SLC8A1: variants seen among roughly 807,000 people sequenced by gnomAD.
The protein encoded by SLC8A1 is solute carrier family 8 member A1.
Under a neutral mutation model 68.3 loss-of-function variants are expected in SLC8A1, and 18 were observed. That is an observed-to-expected ratio of 0.26 (90% CI 0.18 to 0.39). The LOEUF is 0.39. Ranked by LOEUF, SLC8A1 falls within the 10% of genes least tolerant of loss-of-function variation. SLC8A1 has a pLI of 1.00. For synonymous variants in SLC8A1, 475 were observed against 415.5 expected (o/e 1.14, Z -1.74); for missense variants, 985 against 1,156.7 (o/e 0.85, Z 2.15).
chr2:40,220,964 C>T (rs754413643), intron 2 of SLC8A1, among the ~76,000 whole-genome samples: 13 of 151,930 alleles, frequency 8.6e-5, no homozygotes, highest in Admixed American at 1.3e-4. Flanking sequence ...GGAGCTGGTA[C>T]CATCACTTCT....
At chr2:40,304,810 C>T (rs370570375) in intron 2 of SLC8A1, among the ~76,000 whole-genome samples, 11 of 152,092 alleles carry the variant, frequency 7.2e-5, no homozygotes, top group African/African-American at 2.4e-4. Context: ...CTGGGCTCAG[C>T]GATGCTCACC....
At chr2:40,346,047 T>TAAAAAAAAAAAAAA (rs774555210) in intron 2 of SLC8A1, among the ~76,000 whole-genome samples, 242 of 41,528 alleles carry the variant, frequency 5.8e-3, no homozygotes, top group Non-Finnish European at 6.7e-3. Context: ...ACATTAACAG[T>TAAAAAAAAAAAAAA]AAAAAAAAAA....
chr2:40,222,076 GA>G (rs2058406855), intron 2 of SLC8A1, among the ~76,000 whole-genome samples: 1 of 152,008 alleles, frequency 6.6e-6, no homozygotes, highest in Non-Finnish European at 1.5e-5. Flanking sequence ...ATCCTAAGCA[GA>G]AAGAACAAAG....
chr2:40,464,308 GAAT>G (rs1703530871), intron 1 of SLC8A1, among the ~76,000 whole-genome samples: 1 of 152,218 alleles, frequency 6.6e-6, no homozygotes, highest in Non-Finnish European at 1.5e-5. Context: ...AGCACTGGCT[GAAT>G]TCTAGCATAG....
intron 2 of SLC8A1, among the ~76,000 whole-genome samples, chr2:40,350,406 A>G (rs1487496791): frequency 6.6e-6 from 1 of 152,004 alleles, no homozygotes; most frequent in East Asian, 1.9e-4. Context: ...ACTTGAGCAC[A>G]GAAGGTTGAC....
intron 1 of SLC8A1, among the ~76,000 whole-genome samples, chr2:40,504,467 T>C: frequency 6.6e-6 from 1 of 151,868 alleles, no homozygotes; most frequent in Non-Finnish European, 1.5e-5. Flanking sequence ...TGGGATCACA[T>C]CAATTTAAAA....
intron 2 of SLC8A1, among the ~76,000 whole-genome samples, chr2:40,224,558 C>G (rs974764928): frequency 6.6e-6 from 1 of 152,084 alleles, no homozygotes; most frequent in African/African-American, 2.4e-5. Context: ...GGCTGTGCAG[C>G]TCCATCATCC....
intron 2 of SLC8A1, among the ~76,000 whole-genome samples, chr2:40,233,253 A>C (rs1409583892): frequency 6.6e-6 from 1 of 152,174 alleles, no homozygotes; most frequent in Non-Finnish European, 1.5e-5. Flanking sequence ...CATCCTCTCC[A>C]GCTCCTGTTG....
chr2:40,341,104 A>G (rs1005837651), intron 2 of SLC8A1, among the ~76,000 whole-genome samples: 4 of 152,170 alleles, frequency 2.6e-5, no homozygotes, highest in African/African-American at 4.8e-5. Context: ...ACCAGAAAGT[A>G]ACTCACCCTA....
At chr2:40,240,994 T>C (rs1180384574) in intron 2 of SLC8A1, among the ~76,000 whole-genome samples, 1 of 152,222 alleles carries the variant, frequency 6.6e-6, no homozygotes, top group Non-Finnish European at 1.5e-5. Context: ...AATCCCATTA[T>C]TGGGTATATA....
intron 2 of SLC8A1, among the ~76,000 whole-genome samples, chr2:40,343,784 G>A (rs985150864): frequency 6.6e-6 from 1 of 152,166 alleles, no homozygotes; most frequent in Non-Finnish European, 1.5e-5. Flanking sequence ...ATTGGGAAAT[G>A]TATTTATTTT....
At chr2:40,176,091 T>C in intron 3 of SLC8A1, 2 of 303,542 alleles carry the variant, frequency 6.6e-6, no homozygotes, top group South Asian at 5.2e-5. Flanking sequence ...GAATGTACTG[T>C]AGCACTTTAT....
intron 2 of SLC8A1, among the ~76,000 whole-genome samples, chr2:40,312,191 T>C (rs2073803515): frequency 6.6e-6 from 1 of 152,184 alleles, no homozygotes; most frequent in African/African-American, 2.4e-5. Flanking sequence ...GCACACTTGC[T>C]GAGCTTATTG....
Position 40,295,108 on chromosome 2 carries a change from T to A in SLC8A1, c.1809-117253A>T, listed in dbSNP as rs74912261. ...AGTTATTTAAGAAACAATTATTATT[T>A]TTTTTTTTTGATGCAAGGTCTCACT... On this transcript the variant is annotated intron_variant, in intron 2 of 7. Coordinates refer to ENST00000406785, the Ensembl canonical transcript of SLC8A1. Among the ~76,000 whole-genome samples the A allele has an allele frequency of 9.4e-3, 1,390 of 147,464 alleles. 13 individuals carry two copies. The highest frequency in any genetic ancestry group is 0.031 in the African/African-American group (1,166 of 37,260).
intron 1 of SLC8A1, among the ~76,000 whole-genome samples, chr2:40,444,180 A>T (rs962367775): frequency 6.6e-6 from 1 of 151,952 alleles, no homozygotes; most frequent in Non-Finnish European, 1.5e-5. Flanking sequence ...ACAAAAATAA[A>T]ATTAAAAAAT....
chr2:40,334,638 C>G (rs561752835), intron 2 of SLC8A1, among the ~76,000 whole-genome samples: 58 of 152,186 alleles, frequency 3.8e-4, no homozygotes, highest in African/African-American at 1.3e-3. Flanking sequence ...TTAAAATGTC[C>G]TGAAAACATT....
At chr2:40,503,213 G>A (rs1340321301) in intron 1 of SLC8A1, among the ~76,000 whole-genome samples, 1 of 151,950 alleles carries the variant, frequency 6.6e-6, no homozygotes. Flanking sequence ...TCCATAATTT[G>A]TCTTAATTTT....
upstream of SLC8A1, among the ~76,000 whole-genome samples, chr2:40,456,244 A>G (rs903035785): frequency 7.2e-6 from 1 of 139,418 alleles, no homozygotes; most frequent in Non-Finnish European, 1.5e-5. Context: ...TGAACCCAGG[A>G]GGCGGAGCTT....
exon 2 of SLC8A1, chr2:40,429,262 T>A: frequency 6.2e-7 from 1 of 1,613,934 alleles, no homozygotes. Flanking sequence ...CTCTATTTCT[T>A]TATCTGGATG....
Sources: allele counts gnomAD v4.1 joint callset (sites outside exome capture counted in the v4.1 genomes callset), GRCh38; gene constraint gnomAD v4.1.1; transcripts MANE v1.5; gene names NCBI Gene and HGNC (gene_info 2026-07-23, HGNC 2026-07-21).